Variants in GRIN2A observed in about 807,000 individuals in gnomAD.
The protein encoded by GRIN2A is glutamate ionotropic receptor NMDA type subunit 2A, also known as glutamate receptor ionotropic, NMDA 2A.
GRIN2A carries 22 observed loss-of-function variants against 113.4 expected under a neutral mutation model. The ratio of observed to expected loss-of-function variants is 0.19; its 90% confidence interval spans 0.14 to 0.28. The LOEUF (loss-of-function observed/expected upper bound fraction) is 0.28. Ranked by LOEUF, GRIN2A falls within the 10% of genes least tolerant of loss-of-function variation. The probability of loss-of-function intolerance (pLI) is 1.00; values close to 1 mark genes in which losing one functional copy is unlikely to be tolerated. For missense variants in GRIN2A, 1,502 were observed against 1,887.0 expected (o/e 0.80, Z 3.78); for synonymous variants, 827 against 738.4 (o/e 1.12, Z -1.94).
intron 10 of GRIN2A, among the ~76,000 whole-genome samples, chr16:9,809,141 C>T (rs995168886): frequency 6.6e-6 from 1 of 152,036 alleles, no homozygotes; most frequent in African/African-American, 2.4e-5. Flanking sequence ...AAATGCAGAC[C>T]GGGCACGGTG....
intron 2 of GRIN2A, among the ~76,000 whole-genome samples, chr16:10,175,380 C>T (rs914814206): frequency 6.6e-6 from 1 of 152,220 alleles, no homozygotes; most frequent in Admixed American, 6.5e-5. Context: ...CTAAGAAAGT[C>T]CACAGAGGGC....
At chr16:9,782,859 A>C (rs1567293094) in intron 11 of GRIN2A, among the ~76,000 whole-genome samples, 3 of 152,314 alleles carry the variant, frequency 2.0e-5, no homozygotes, top group East Asian at 3.9e-4. Flanking sequence ...TTATTATTCC[A>C]AATATGTCTC....
rs376572086 is a variant in GRIN2A, at chr16:9,992,900, T to C, written c.415-54349A>G. Among the ~76,000 whole-genome samples, 33 of 152,220 alleles carry C rather than the reference T, an allele frequency of 2.2e-4. 1 individual carries two copies. The East Asian group carries it at 6.4e-3, about 29-fold the overall frequency. ...CTACCCGTTCCTGCCATAATAATGA[T>C]AAACTCTCATATCTAAAAAATAAGA... On this transcript the variant is annotated intron_variant, in intron 2 of 12. Transcript: ENST00000330684.
At chr16:9,815,930 T>C (rs2042177700) in intron 10 of GRIN2A, among the ~76,000 whole-genome samples, 1 of 152,232 alleles carries the variant, frequency 6.6e-6, no homozygotes, top group Non-Finnish European at 1.5e-5. Context: ...AAATACTGTT[T>C]AGCCTTAAAA....
rs1220813002 is a variant in GRIN2A, at chr16:10,117,060, TG to T, written c.414+62937del. ...CAGGGAATATTCTAGCTCAAGTGACTGAAAAAAAAAAAAAAAGTAGCTAAGC... is the reference window on the plus strand; with the variant it reads ...CAGGGAATATTCTAGCTCAAGTGACTAAAAAAAAAAAAAAAGTAGCTAAGC... On this transcript the variant is annotated intron_variant, in intron 2 of 12. Coordinates refer to ENST00000330684, the MANE Select transcript of GRIN2A (RefSeq NM_001134407.3). Among the ~76,000 whole-genome samples the T allele has an allele frequency of 2.5e-3, 295 of 118,556 alleles. 2 individuals carry two copies. The highest frequency in any genetic ancestry group is 9.2e-3 in the African/African-American group (284 of 30,910). 77.8% of individuals were successfully genotyped at this position (118,556 alleles called of 152,430 possible). A position where few individuals can be genotyped will look rare whatever the true frequency, so the allele number is the denominator to read the frequency against.
At position 10,161,149 on chromosome 16, in the gene GRIN2A, AC is replaced by A. The variant is rs2049801251; in HGVS notation, c.414+18848del. Among the ~76,000 whole-genome samples the A allele has an allele frequency of 2.6e-5, 4 of 152,264 alleles. No homozygotes were observed. In the South Asian group the frequency reaches 6.2e-4, roughly 24 times the overall value. On this transcript the variant is annotated intron_variant, in intron 2 of 12. Coordinates refer to ENST00000330684, the MANE Select transcript of GRIN2A (RefSeq NM_001134407.3). ...AGGTAATTTAATCATGAGAATGGTT[AC>A]CCCCATGCTGTTCTCATGATAGTGA...
intron 2 of GRIN2A, among the ~76,000 whole-genome samples, chr16:10,067,028 A>G (rs2047663148): frequency 6.6e-6 from 1 of 152,218 alleles, no homozygotes; most frequent in African/African-American, 2.4e-5. Flanking sequence ...GAATAAATGA[A>G]TGAGCAAAAA....
At chr16:10,168,836 G>A (rs569296435) in intron 2 of GRIN2A, among the ~76,000 whole-genome samples, 1 of 152,058 alleles carries the variant, frequency 6.6e-6, no homozygotes, top group South Asian at 2.1e-4. Context: ...GTGGTGGCAG[G>A]TGCCTGTAAT....
intron 2 of GRIN2A, among the ~76,000 whole-genome samples, chr16:10,092,065 C>A (rs2048193610): frequency 6.6e-6 from 1 of 152,092 alleles, no homozygotes; most frequent in South Asian, 2.1e-4. Flanking sequence ...TCTAACAGCC[C>A]ACACAATAGT....
chr16:10,015,288 A>G (rs920715625), intron 2 of GRIN2A, among the ~76,000 whole-genome samples: 2 of 141,950 alleles, frequency 1.4e-5, no homozygotes, highest in African/African-American at 5.4e-5. Flanking sequence ...AAAAAAGAAA[A>G]AGAAAGGAAA....
At chr16:10,036,449 CTTTTTTTTTTTTT>C (rs369821921) in intron 2 of GRIN2A, among the ~76,000 whole-genome samples, 8 of 45,984 alleles carry the variant, frequency 1.7e-4, no homozygotes, top group African/African-American at 3.1e-4. Context: ...TTTTTTTTTT[CTTTTTTTTTTTTT>C]TTTTTTTTTT....
At chr16:10,178,437 C>T (rs1441124460) in intron 2 of GRIN2A, among the ~76,000 whole-genome samples, 1 of 152,176 alleles carries the variant, frequency 6.6e-6, no homozygotes, top group African/African-American at 2.4e-5. Context: ...CCCTTAACTC[C>T]CCTATGGCTC....
rs925108358 is a variant in GRIN2A, at chr16:9,914,752, T to G, written c.1007+23207A>C. On this transcript the variant is annotated intron_variant, in intron 3 of 12. Coordinates refer to ENST00000330684, the MANE Select transcript of GRIN2A (RefSeq NM_001134407.3). ...TAACAGCTTAATCACCTGGATATGA[T>G]AGCAGCAGTTAGACAAGCCACAAAG... Among the ~76,000 whole-genome samples, 4 of 151,768 alleles carry G rather than the reference T, an allele frequency of 2.6e-5. No individual in the cohort carries two copies. In the East Asian group the frequency reaches 5.8e-4, roughly 22 times the overall value.
chr16:9,778,949 C>A (rs1414981853), intron 11 of GRIN2A, among the ~76,000 whole-genome samples: 1 of 152,132 alleles, frequency 6.6e-6, no homozygotes, highest in South Asian at 2.1e-4. Flanking sequence ...AAAATAAGCT[C>A]AAAGATTTAT....
chr16:10,151,592 G>T (rs2049575050), intron 2 of GRIN2A, among the ~76,000 whole-genome samples: 1 of 152,166 alleles, frequency 6.6e-6, no homozygotes, highest in Non-Finnish European at 1.5e-5. Context: ...CAAGATCAAT[G>T]CTTGACCAAC....
Position 9,756,124 on chromosome 16 carries a change from C to CTG in GRIN2A, c.*7023_*7024dup, listed in dbSNP as rs113553391. Reference sequence around the variant, plus strand: ...AGGACTTTAATGGAGGGTCACATGGCTGTGTGTGTGTGTGTGCATACCCAC... The same window carrying CTG: ...AGGACTTTAATGGAGGGTCACATGGCTGTGTGTGTGTGTGTGTGCATACCCAC... On this transcript the variant is annotated 3_prime_UTR_variant, in exon 13 of 13. Transcript: ENST00000330684. 271 of 224,270 alleles carry CTG rather than the reference C, an allele frequency of 1.2e-3. No individual in the cohort carries two copies. Among genetic ancestry groups the CTG allele is most frequent in the African/African-American group, 3.1e-3 (137 of 44,734 alleles). The allele number at this position is 224,270 out of a possible 1,614,324, so 13.9% of individuals were successfully genotyped here.
chr16:9,760,550 T>C lies in GRIN2A; in HGVS notation c.*2599A>G. The C allele has an allele frequency of 4.5e-6, 1 of 220,314 alleles. No individual in the cohort carries two copies. Among genetic ancestry groups the C allele is most frequent in the Non-Finnish European group, 9.1e-6 (1 of 109,992 alleles). The allele number at this position is 220,314 out of a possible 1,614,324, so 13.6% of individuals were successfully genotyped here. ...TTTTTCACAACATTACTGTTGATTCTTCCAAAGGCCACGTTTTCAGTTTCT... is the reference window on the plus strand; with the variant it reads ...TTTTTCACAACATTACTGTTGATTCCTCCAAAGGCCACGTTTTCAGTTTCT... On this transcript the variant is annotated 3_prime_UTR_variant, in exon 13 of 13. Transcript: ENST00000330684.
intron 2 of GRIN2A, among the ~76,000 whole-genome samples, chr16:9,980,032 G>A (rs1222461237): frequency 6.6e-6 from 1 of 151,756 alleles, no homozygotes; most frequent in Non-Finnish European, 1.5e-5. Context: ...AGCCAAGGCA[G>A]GCAGATCACT....
chr16:9,942,525 T>C (rs1310310900), intron 2 of GRIN2A, among the ~76,000 whole-genome samples: 1 of 152,204 alleles, frequency 6.6e-6, no homozygotes, highest in African/African-American at 2.4e-5. Context: ...GACTCATCTG[T>C]CCACGCCTGA....
Sources: gnomAD v4.1 joint callset for allele counts (sites outside exome capture counted in the v4.1 genomes callset) on GRCh38, gnomAD v4.1.1 for gene constraint, MANE v1.5 for transcripts, NCBI Gene and HGNC (gene_info 2026-07-23, HGNC 2026-07-21) for gene names.